Variants in TAX1BP1 observed in about 807,000 individuals in gnomAD.
TAX1BP1 encodes Tax1 binding protein 1.
Under a neutral mutation model 97.7 loss-of-function variants are expected in TAX1BP1, and 62 were observed. The ratio of observed to expected loss-of-function variants is 0.63; its 90% CI spans 0.52 to 0.78. The LOEUF (loss-of-function observed/expected upper bound fraction) is 0.78, where lower values mean the gene tolerates loss of function less well. TAX1BP1 is among the 30% of genes least tolerant of loss of function. TAX1BP1 has a pLI of 0.00. For synonymous variants in TAX1BP1, 340 were observed against 304.2 expected, an observed-to-expected ratio of 1.12 and a Z score of -1.23; for missense variants, 867 against 916.1, an observed-to-expected ratio of 0.95 and a Z score of 0.69.
chr7:27,782,494 C>T (rs1789300625), intron 5 of TAX1BP1, among the ~76,000 whole-genome samples: 1 of 152,072 alleles, frequency 6.6e-6, no homozygotes, highest in Admixed American at 6.6e-5. Flanking sequence ...AGGTGACCCA[C>T]CCACCTAGGC....
Position 27,821,473 on chromosome 7 carries a change from A to G in TAX1BP1, c.2085+4435A>G, listed in dbSNP as rs1361178922. Among the ~76,000 whole-genome samples the G allele has an allele frequency of 2.0e-5, 3 of 152,052 alleles. No homozygotes were observed. The East Asian group carries it at 5.8e-4, about 29-fold the overall frequency. ...TGGCAAAACCCCATCTCTACTAAAA[A>G]TACAAAAAAAATTTATCTGGGCATG... On this transcript the variant is annotated intron_variant, in intron 15 of 16. Transcript: ENST00000396319.
chr7:27,826,710 C>G (rs968455907), intron 15 of TAX1BP1, among the ~76,000 whole-genome samples: 1 of 152,176 alleles, frequency 6.6e-6, no homozygotes, highest in African/African-American at 2.4e-5. Context: ...TGGGATGCAG[C>G]CATGGGAATC....
rs967130028 is a variant in TAX1BP1 at position 27,778,299 on chromosome 7, T to C, written c.613-6864T>C. ...AGTGTGGTTAGTGATGTAGTTGATT[T>C]ATATTTTGTACAAGTGTCTTGTCTT... is the stretch of plus-strand genomic sequence containing the variant. On this transcript the variant is annotated intron_variant, in intron 5 of 16. Coordinates refer to ENST00000396319, the MANE Select transcript of TAX1BP1 (RefSeq NM_006024.7). Among the ~76,000 whole-genome samples, 3 of 152,172 alleles carry C rather than the reference T, an allele frequency of 2.0e-5. No individual in the cohort carries two copies. The East Asian group carries it at 5.8e-4, about 29-fold the overall frequency.
chr7:27,807,799 C>T (rs2107414), intron 13 of TAX1BP1, among the ~76,000 whole-genome samples: 1,890 of 152,132 alleles, frequency 0.012, 14 homozygotes, highest in Non-Finnish European at 0.02. Context: ...TAGAATTTTT[C>T]TGTAAGAGCT....
chr7:27,740,782 C>T (rs894094970), intron 1 of TAX1BP1, among the ~76,000 whole-genome samples: 1 of 152,186 alleles, frequency 6.6e-6, no homozygotes, highest in African/African-American at 2.4e-5. Context: ...TTTGAGTCGC[C>T]GGTGGCGAAG....
At chr7:27,745,262 A>G (rs1208261181) in intron 1 of TAX1BP1, among the ~76,000 whole-genome samples, 1 of 152,200 alleles carries the variant, frequency 6.6e-6, no homozygotes, top group Non-Finnish European at 1.5e-5. Context: ...CTTCCCAGGC[A>G]TTACCACAAG....
intron 13 of TAX1BP1, among the ~76,000 whole-genome samples, chr7:27,801,130 G>GA (rs11465183): frequency 0.6 from 78,910 of 132,186 alleles, 23,879 homozygotes; most frequent in African/African-American, 0.8. Context: ...GAATGTTAGA[G>GA]AAAAAAAAAA....
chr7:27,812,391 C>A (rs1342444061), intron 13 of TAX1BP1, among the ~76,000 whole-genome samples: 1 of 152,020 alleles, frequency 6.6e-6, no homozygotes, highest in Non-Finnish European at 1.5e-5. Context: ...AGATATAATT[C>A]CTTTGTCAGA....
chr7:27,770,367 G>T (rs1463769515), intron 5 of TAX1BP1, among the ~76,000 whole-genome samples: 1 of 152,004 alleles, frequency 6.6e-6, no homozygotes, highest in Non-Finnish European at 1.5e-5. Flanking sequence ...AAACATTGTG[G>T]CTTCATTAGT....
intron 13 of TAX1BP1, among the ~76,000 whole-genome samples, chr7:27,814,340 A>T (rs1165031102): frequency 5.3e-5 from 8 of 152,082 alleles, no homozygotes; most frequent in Non-Finnish European, 1.5e-5. Flanking sequence ...TGCTTTTTAC[A>T]TATGGGCTAT....
At chr7:27,762,456 G>A (rs1788462443) in intron 3 of TAX1BP1, among the ~76,000 whole-genome samples, 1 of 138,628 alleles carries the variant, frequency 7.2e-6, no homozygotes, top group Non-Finnish European at 1.5e-5. Flanking sequence ...AGCTGTTTGG[G>A]AGGTTGAGGC....
chr7:27,769,972 A>G (rs1164656345), intron 5 of TAX1BP1, 138 bp downstream of exon 5: 11 of 735,972 alleles, frequency 1.5e-5, no homozygotes, highest in Non-Finnish European at 1.3e-5. Flanking sequence ...TTTATACAAG[A>G]ACAGGTCAGT....
intron 5 of TAX1BP1, among the ~76,000 whole-genome samples, chr7:27,784,275 A>G (rs1208907064): frequency 3.3e-5 from 5 of 152,140 alleles, no homozygotes; most frequent in African/African-American, 1.2e-4. Flanking sequence ...TAATTTACCA[A>G]TTCTTTTATA....
rs1789425853 is a variant in TAX1BP1, at chr7:27,785,160, C to T, written c.613-3C>T. 1.3e-6 allele frequency: 2 copies of T among 1,599,930 alleles called. No individual in the cohort carries two copies. Among genetic ancestry groups the T allele is most frequent in the Non-Finnish European group, 1.7e-6 (2 of 1,175,894 alleles). ...CTCAAAATACCTTGTTGTCACTTCT[C>T]AGGGTCTTACTGAAGTAACACAAAG... On this transcript the variant is annotated splice_polypyrimidine_tract_variant and splice_region_variant and intron_variant, in intron 5 of 16. Transcript: ENST00000396319.
intron 1 of TAX1BP1, among the ~76,000 whole-genome samples, chr7:27,745,952 G>A (rs1284505332): frequency 6.6e-6 from 1 of 151,872 alleles, no homozygotes; most frequent in Non-Finnish European, 1.5e-5. Flanking sequence ...ATACATATAT[G>A]TATACCTATG....
intron 3 of TAX1BP1, among the ~76,000 whole-genome samples, chr7:27,762,378 C>G (rs1434795699): frequency 2.6e-5 from 4 of 151,776 alleles, no homozygotes; most frequent in Non-Finnish European, 4.4e-5. Context: ...TGATTGGTTT[C>G]CCCTTAAAAA....
At chr7:27,767,570 A>G (rs1191375274) in intron 4 of TAX1BP1, among the ~76,000 whole-genome samples, 1 of 152,132 alleles carries the variant, frequency 6.6e-6, no homozygotes, top group Non-Finnish European at 1.5e-5. Flanking sequence ...CCTGATGATC[A>G]AGGTTTTTAG....
chr7:27,796,490 G>A (rs554413456), intron 12 of TAX1BP1, among the ~76,000 whole-genome samples: 1 of 152,292 alleles, frequency 6.6e-6, no homozygotes, highest in South Asian at 2.1e-4. Context: ...AGTTAATTGA[G>A]GTTAGAAATT....
intron 5 of TAX1BP1, among the ~76,000 whole-genome samples, chr7:27,775,316 A>T (rs1788989033): frequency 6.6e-6 from 1 of 152,202 alleles, no homozygotes; most frequent in African/African-American, 2.4e-5. Flanking sequence ...TCATTTATAG[A>T]AGAAATTTTT....
Sources: allele counts gnomAD v4.1 joint callset (sites outside exome capture counted in the v4.1 genomes callset), GRCh38; gene constraint gnomAD v4.1.1; transcripts MANE v1.5; gene names NCBI Gene and HGNC (gene_info 2026-07-23, HGNC 2026-07-21).